The following LDB2 variants were observed in gnomAD, a reference collection of about 807,000 sequenced individuals.
LDB2 encodes the protein LIM domain-binding protein 2.
A neutral mutation model predicts 44.3 loss-of-function variants in LDB2; 12 were observed. That is an observed-to-expected ratio of 0.27 (90% CI 0.17 to 0.44). The LOEUF is 0.44. Among genes scored for constraint, LDB2 ranks in the 20% least tolerant of loss-of-function variants. The probability of loss-of-function intolerance (pLI) is 1.00; values close to 1 mark genes in which losing one functional copy is unlikely to be tolerated. For synonymous variants in LDB2, 164 were observed against 174.8 expected (o/e 0.94, Z 0.49); for missense variants, 344 against 473.5 (o/e 0.73, Z 2.54).
chr4:16,557,956 G>C (rs544113666), intron 5 of LDB2, among the ~76,000 whole-genome samples: 7 of 152,346 alleles, frequency 4.6e-5, no homozygotes, highest in African/African-American at 1.7e-4. Context: ...CAGGCAAACA[G>C]GGTCTGGAGT....
chr4:16,550,785 A>G (rs2152347298), intron 5 of LDB2, among the ~76,000 whole-genome samples: 1 of 152,360 alleles, frequency 6.6e-6, no homozygotes, highest in East Asian at 1.9e-4. Context: ...GCACACATAA[A>G]CAAGGAGACT....
At chr4:16,643,031 A>C (rs533351035) in intron 2 of LDB2, among the ~76,000 whole-genome samples, 1 of 152,318 alleles carries the variant, frequency 6.6e-6, no homozygotes, top group Non-Finnish European at 1.5e-5. Context: ...TGGCAGAGCC[A>C]CCTCTAAAGA....
chr4:16,677,880 C>T (rs1040881166), intron 2 of LDB2, among the ~76,000 whole-genome samples: 6 of 152,186 alleles, frequency 3.9e-5, no homozygotes, highest in Non-Finnish European at 7.3e-5. Flanking sequence ...TGGGAAATGG[C>T]TAGGCCTATT....
intron 5 of LDB2, among the ~76,000 whole-genome samples, chr4:16,549,272 G>A (rs528019481): frequency 7.9e-5 from 12 of 152,296 alleles, no homozygotes; most frequent in Admixed American, 4.6e-4. Context: ...AGAAAACCAA[G>A]TGTCTTCCAT....
intron 2 of LDB2, among the ~76,000 whole-genome samples, chr4:16,721,826 A>G (rs1758354117): frequency 6.6e-6 from 1 of 152,210 alleles, no homozygotes; most frequent in Admixed American, 6.5e-5. Flanking sequence ...AAAGAGGGTG[A>G]AAGTACAGTG....
intron 2 of LDB2, among the ~76,000 whole-genome samples, chr4:16,664,260 T>C (rs1742406929): frequency 1.3e-5 from 2 of 152,192 alleles, no homozygotes; most frequent in South Asian, 4.1e-4. Context: ...AGAGAGAAGA[T>C]ACTGTCTGAA....
At chr4:16,695,173 T>C (rs186952610) in intron 2 of LDB2, among the ~76,000 whole-genome samples, 189 of 152,332 alleles carry the variant, frequency 1.2e-3, no homozygotes, top group African/African-American at 4.3e-3. Context: ...TATGTTTGTG[T>C]GTTTTTCTAG....
At chr4:16,653,842 T>C (rs1316406849) in intron 2 of LDB2, 1 of 152,188 alleles carries the variant, frequency 6.6e-6, no homozygotes, top group Non-Finnish European at 1.5e-5. Flanking sequence ...GATTGTTCCT[T>C]CCCAAATCCA....
intron 2 of LDB2, among the ~76,000 whole-genome samples, chr4:16,622,339 G>T (rs1203202120): frequency 6.6e-6 from 1 of 152,172 alleles, no homozygotes; most frequent in Non-Finnish European, 1.5e-5. Context: ...AATAATTATT[G>T]GTTGAATGAC....
At chr4:16,892,505 C>T (rs1166264193) in intron 1 of LDB2, among the ~76,000 whole-genome samples, 1 of 152,140 alleles carries the variant, frequency 6.6e-6, no homozygotes, top group Non-Finnish European at 1.5e-5. Flanking sequence ...TATCTACATC[C>T]TTTGGACATT....
At chr4:16,744,074 T>A (rs1474804067) in intron 2 of LDB2, among the ~76,000 whole-genome samples, 1 of 152,210 alleles carries the variant, frequency 6.6e-6, no homozygotes, top group Non-Finnish European at 1.5e-5. Flanking sequence ...TAAACTAGGT[T>A]TCTTCTAGAC....
chr4:16,887,307 G>T (rs969614153), intron 1 of LDB2, among the ~76,000 whole-genome samples: 5 of 152,026 alleles, frequency 3.3e-5, no homozygotes, highest in Non-Finnish European at 7.4e-5. Flanking sequence ...AGCCCCGCTT[G>T]GGTTTGACTT....
At chr4:16,631,037 T>A (rs114562814) in intron 2 of LDB2, among the ~76,000 whole-genome samples, 3,945 of 152,166 alleles carry the variant, frequency 0.026, 60 homozygotes, top group East Asian at 0.061. Context: ...AGACACAAAA[T>A]GAACAAGGAT....
intron 1 of LDB2, among the ~76,000 whole-genome samples, chr4:16,838,417 C>T (rs576326395): frequency 1.3e-5 from 2 of 152,288 alleles, no homozygotes; most frequent in Admixed American, 1.3e-4. Flanking sequence ...TGTGGCTCCA[C>T]ATCTGGAAAG....
intron 2 of LDB2, among the ~76,000 whole-genome samples, chr4:16,701,973 C>T (rs746893683): frequency 4.6e-5 from 7 of 152,186 alleles, no homozygotes; most frequent in Non-Finnish European, 8.8e-5. Flanking sequence ...GTGGCTACTA[C>T]TATTGCTATC....
chr4:16,712,612 A>G lies in LDB2; in HGVS notation c.235+46546T>C, dbSNP rs1756158515. 3.3e-5 allele frequency among the ~76,000 whole-genome samples: 5 copies of G among 152,162 alleles called. No individual in the cohort carries two copies. The South Asian group carries it at 8.3e-4, about 25-fold the overall frequency. On this transcript the variant is annotated intron_variant, in intron 2 of 7. Coordinates refer to ENST00000304523, the MANE Select transcript of LDB2 (RefSeq NM_001290.5). ...AAACGGCCAAAAAGCACCTGAAAAA[A>G]TGCTCAACATCATTAGTCACTAGGG...
At chr4:16,523,417 C>A (rs1183963361) in intron 5 of LDB2, among the ~76,000 whole-genome samples, 1 of 152,186 alleles carries the variant, frequency 6.6e-6, no homozygotes, top group African/African-American at 2.4e-5. Context: ...AGAACTTTTA[C>A]CTTTCACTTA....
intron 5 of LDB2, among the ~76,000 whole-genome samples, chr4:16,528,370 T>C (rs1728975867): frequency 6.6e-6 from 1 of 152,136 alleles, no homozygotes; most frequent in African/African-American, 2.4e-5. Flanking sequence ...TAAAAAATAT[T>C]TTAAATAAGG....
chr4:16,777,024 T>C lies in LDB2; in HGVS notation c.133-17764A>G, dbSNP rs1040936850. Among the ~76,000 whole-genome samples the C allele has an allele frequency of 5.9e-5, 9 of 152,288 alleles. No homozygotes were observed. In the East Asian group the frequency reaches 1.7e-3, roughly 29 times the overall value. On this transcript the variant is annotated intron_variant, in intron 1 of 7. Coordinates refer to ENST00000304523, the MANE Select transcript of LDB2 (RefSeq NM_001290.5). Reference sequence around the variant, plus strand: ...AAATGTCTCCAGACATTGCCAGATGTCCTTGGGTCAGGCGGACAAAATTGT... The same window carrying C: ...AAATGTCTCCAGACATTGCCAGATGCCCTTGGGTCAGGCGGACAAAATTGT...
Sources: gnomAD v4.1 joint callset for allele counts (sites outside exome capture counted in the v4.1 genomes callset) on GRCh38, gnomAD v4.1.1 for gene constraint, MANE v1.5 for transcripts, NCBI Gene and HGNC (gene_info 2026-07-23, HGNC 2026-07-21) for gene names.